The following NUP42 variants were observed in gnomAD, a reference collection of about 807,000 sequenced individuals.
NUP42 encodes the protein nucleoporin NUP42.
A neutral mutation model predicts 35.9 loss-of-function variants in NUP42; 47 were observed. That is an observed-to-expected ratio of 1.31 (90% CI 1.04 to 1.67). The LOEUF (loss-of-function observed/expected upper bound fraction) is 1.67, where lower values mean the gene tolerates loss of function less well. NUP42 is among the 40% of genes most tolerant of loss of function. The pLI, the probability that NUP42 is intolerant of heterozygous loss-of-function variation, is 0.00. For missense variants in NUP42, 514 were observed against 492.2 expected (o/e 1.04, Z -0.42); for synonymous variants, 173 against 173.3 (o/e 1.00, Z 0.01).
chr7:23,182,919 A>G (rs935023012), intron 1 of NUP42, among the ~76,000 whole-genome samples: 15 of 151,724 alleles, frequency 9.9e-5, no homozygotes, highest in East Asian at 3.9e-4. Context: ...CAAAAAAAAA[A>G]AAAGAAAGAA....
rs201316346 is a variant in NUP42, at chr7:23,199,456, A to G, written c.610-2A>G. ...TATTATTTGCACACTTTTTTTTTTC[A>G]GCTCTCTGATGTAAAGGATGGAGTA... On this transcript the variant is annotated splice_acceptor_variant, in intron 5 of 6. Coordinates refer to ENST00000258742, the MANE Select transcript of NUP42 (RefSeq NM_007342.3). LOFTEE classifies it high-confidence loss of function. 8.1e-6 allele frequency: 13 copies of G among 1,609,296 alleles called. No homozygotes were observed. Among genetic ancestry groups the G allele is most frequent in the Non-Finnish European group, 1.0e-5 (12 of 1,177,880 alleles).
rs146811763 is a variant in NUP42, at chr7:23,186,317, C to T, written c.351-735C>T. 7.3e-3 allele frequency among the ~76,000 whole-genome samples: 1,104 copies of T among 152,242 alleles called. 17 individuals carry two copies. The highest frequency in any genetic ancestry group is 0.025 in the African/African-American group (1,030 of 41,522). On this transcript the variant is annotated intron_variant, in intron 2 of 6. Coordinates refer to ENST00000258742, the MANE Select transcript of NUP42 (RefSeq NM_007342.3). ...ATGTTGAGTCATATACCATATACAA[C>T]CGATTTTTTTTTAAGTAAATGAGCA... is the stretch of plus-strand genomic sequence containing the variant.
At chr7:23,193,325 C>T (rs932798180) in intron 3 of NUP42, among the ~76,000 whole-genome samples, 3 of 152,178 alleles carry the variant, frequency 2.0e-5, no homozygotes, top group Non-Finnish European at 4.4e-5. Context: ...CCACCCACAT[C>T]GTGCTGATTG....
intron 3 of NUP42, among the ~76,000 whole-genome samples, chr7:23,192,197 C>T (rs377071375): frequency 2.0e-5 from 3 of 152,074 alleles, no homozygotes; most frequent in Admixed American, 6.6e-5. Flanking sequence ...TAAGCTTTGA[C>T]TCCCCAAAAG....
rs761276941 is a variant in NUP42, at chr7:23,182,216, C to T, written c.121+10C>T. 6.3e-7 allele frequency: 1 copy of T among 1,599,644 alleles called. No individual in the cohort carries two copies. Among genetic ancestry groups the T allele is most frequent in the South Asian group, 1.1e-5 (1 of 89,518 alleles). Reference sequence around the variant, plus strand: ...CAGCAGCAGCCTTCAGGTGACTCTCCTCTGAATCCTCCGCGGTAACCGAGC... The same window carrying T: ...CAGCAGCAGCCTTCAGGTGACTCTCTTCTGAATCCTCCGCGGTAACCGAGC... On this transcript the variant is annotated intron_variant, in intron 1 of 6. Transcript: ENST00000258742.
At chr7:23,196,598 A>G in intron 4 of NUP42, 82 bp from the exon 5 acceptor site, 5 of 1,021,196 alleles carry the variant, frequency 4.9e-6, no homozygotes, top group Non-Finnish European at 7.5e-6. Flanking sequence ...GATTTTGGCA[A>G]AGAAGTATGT....
In NUP42 at chr7:23,187,124, GA is replaced by G; in HGVS notation, c.428del (p.Lys143ArgfsTer16). On this transcript the variant is annotated frameshift_variant, in exon 3 of 7. Coordinates refer to ENST00000258742, the MANE Select transcript of NUP42 (RefSeq NM_007342.3). LOFTEE classifies it high-confidence loss of function. ...GGATGTTTTCTGTTTATTCACCAGTGAAAAAGAAACCTAATATTTCAGGTAA... is the reference window on the plus strand; with the variant it reads ...GGATGTTTTCTGTTTATTCACCAGTGAAAAGAAACCTAATATTTCAGGTAA... The part of the protein sequence containing the change: ...QWMFSVYSPV[K>X]KKPNISGFTD... 3 of 1,606,750 alleles carry G rather than the reference GA, an allele frequency of 1.9e-6. No homozygotes were observed. Among genetic ancestry groups the G allele is most frequent in the Non-Finnish European group, 2.6e-6 (3 of 1,176,172 alleles).
Position 23,200,722 on chromosome 7 carries a change from C to A in NUP42, c.1249C>A (p.Pro417Thr). The A allele has an allele frequency of 6.3e-7, 1 of 1,587,574 alleles. No individual in the cohort carries two copies. Among genetic ancestry groups the A allele is most frequent in the Non-Finnish European group, 8.5e-7 (1 of 1,170,752 alleles). ...GGGAAAAATTCCATTAAAGCCTCCA[C>A]CTCTGGAACTTCTAAATGTTTAAAA... ...TLGKIPLKPP[P>T]LELLNV Residue 417 changes from proline to threonine, a missense_variant, in exon 7 of 7, where the codon CCT (proline) becomes ACT (threonine). Pro to Thr is a conservative substitution (Grantham distance 38, BLOSUM62 -1). Coordinates refer to ENST00000258742, the MANE Select transcript of NUP42 (RefSeq NM_007342.3).
intron 3 of NUP42, chr7:23,194,685 C>CTTTTGTTTTTGTTTTTGTTTTTGT (rs1554296537): frequency 6.4e-6 from 1 of 155,546 alleles, no homozygotes; most frequent in African/African-American, 2.8e-5. Context: ...TTTGTTTTTG[C>CTTTTGTTTTTGTTTTTGTTTTTGT]TTTTGTTTTT....
intron 1 of NUP42, among the ~76,000 whole-genome samples, chr7:23,182,919 A>AAAAG (rs1200128643): frequency 6.6e-6 from 1 of 151,610 alleles, no homozygotes; most frequent in Non-Finnish European, 1.5e-5. Flanking sequence ...CAAAAAAAAA[A>AAAAG]AAAGAAAGAA....
chr7:23,196,742 AAATAT>A lies in NUP42; in HGVS notation c.587_591del (p.Asn196IlefsTer3), dbSNP rs1304297603. On this transcript the variant is annotated frameshift_variant, in exon 5 of 7. Transcript: ENST00000258742. LOFTEE classifies it high-confidence loss of function. ...ACAGGGTAAATGAACTGAAAAGTCT[AAATAT>A]ATCAACTAAAGTAGCTTTGGTGAGT... The A allele has an allele frequency of 1.2e-6, 2 of 1,609,980 alleles. No homozygotes were observed. The highest frequency in any genetic ancestry group is 3.3e-5 in the Admixed American group (2 of 59,976).
At chr7:23,187,925 G>T in intron 3 of NUP42, 1 of 548,508 alleles carries the variant, frequency 1.8e-6, no homozygotes. Flanking sequence ...ATTTGCTTTA[G>T]AATATTCTCT....
chr7:23,199,321 G>T, intron 5 of NUP42, 137 bp from the exon 6 acceptor site: 1 of 658,606 alleles, frequency 1.5e-6, no homozygotes. Flanking sequence ...CAAAGTGCTA[G>T]GATTACAGGT....
At chr7:23,184,601 A>G (rs993117588) in intron 1 of NUP42, among the ~76,000 whole-genome samples, 5 of 152,264 alleles carry the variant, frequency 3.3e-5, no homozygotes, top group African/African-American at 1.2e-4. Flanking sequence ...ACTACTGTAT[A>G]TAAATAAAAA....
chr7:23,187,008 G>C (rs773449431), intron 2 of NUP42, 44 bp from the exon 3 acceptor site: 1 of 1,322,432 alleles, frequency 7.6e-7, no homozygotes, highest in Non-Finnish European at 1.1e-6. Context: ...TTACCAAGCA[G>C]CTAAGAAGAT....
At position 23,200,160 on chromosome 7, in the gene NUP42, G is replaced by GTTT. The variant is rs200946375; in HGVS notation, c.695-7_695-5dup. The GTTT allele has an allele frequency of 2.4e-3, 3,681 of 1,523,794 alleles. 11 individuals are homozygous for GTTT. Among genetic ancestry groups the GTTT allele is most frequent in the South Asian group, 4.6e-3 (359 of 78,624 alleles). 94.4% of individuals were successfully genotyped at this position (1,523,794 alleles called of 1,614,324 possible). A position where few individuals can be genotyped will look rare whatever the true frequency, so the allele number is the denominator to read the frequency against. On this transcript the variant is annotated splice_polypyrimidine_tract_variant and splice_region_variant and intron_variant, in intron 6 of 6. Coordinates refer to ENST00000258742, the MANE Select transcript of NUP42 (RefSeq NM_007342.3). ...TGTTGTTTTTTTTGTTGTTGTTGTTGTTTGTAGGCTTTCCAGTCAATAACA... is the reference window on the plus strand; with the variant it reads ...TGTTGTTTTTTTTGTTGTTGTTGTTGTTTTTTGTAGGCTTTCCAGTCAATAACA...
chr7:23,197,341 C>A, intron 5 of NUP42: 1 of 562,154 alleles, frequency 1.8e-6, no homozygotes, highest in South Asian at 1.9e-5. Flanking sequence ...TTAATATTTC[C>A]AATTTCTCAG....
At chr7:23,189,926 A>G (rs1246975928) in intron 3 of NUP42, among the ~76,000 whole-genome samples, 2 of 151,706 alleles carry the variant, frequency 1.3e-5, no homozygotes, top group Admixed American at 1.3e-4. Flanking sequence ...AAAAAAAAAA[A>G]AAATTTTTTT....
intron 3 of NUP42, among the ~76,000 whole-genome samples, chr7:23,192,900 G>A (rs1163821761): frequency 6.6e-6 from 1 of 152,238 alleles, no homozygotes; most frequent in East Asian, 1.9e-4. Flanking sequence ...CTTCAAGAAT[G>A]AAGCCACGGA....
Sources: allele counts gnomAD v4.1 joint callset (sites outside exome capture counted in the v4.1 genomes callset), GRCh38; gene constraint gnomAD v4.1.1; transcripts MANE v1.5; gene names NCBI Gene and HGNC (gene_info 2026-07-23, HGNC 2026-07-21).